Variants in C2CD2 observed in about 807,000 individuals in gnomAD.
C2CD2 encodes the protein C2 calcium dependent domain containing 2.
C2CD2 carries 43 observed loss-of-function variants against 74.3 expected under a neutral mutation model. The observed-to-expected ratio is 0.58, with a 90% CI of 0.45 to 0.75. C2CD2 has a LOEUF of 0.75. Ranked by LOEUF, C2CD2 falls within the 30% of genes least tolerant of loss-of-function variation. The pLI is 0.00. For synonymous variants in C2CD2, 422 were observed against 390.7 expected (o/e 1.08, Z -0.94); for missense variants, 801 against 916.3 (o/e 0.87, Z 1.63).
rs1455619139 is a variant in C2CD2 at position 41,924,476 on chromosome 21, T to C, written c.379-2391A>G. Reference sequence around the variant, plus strand: ...AGAAGACTGATACACATGAGTTAATTACATATTTCCATCATCTCCAGAGTT... The same window carrying C: ...AGAAGACTGATACACATGAGTTAATCACATATTTCCATCATCTCCAGAGTT... On this transcript the variant is annotated intron_variant, in intron 2 of 13. Coordinates refer to ENST00000380486, the MANE Select transcript of C2CD2 (RefSeq NM_015500.2). This position sits in a 1 kb window ranked among gnomAD's most constrained non-coding sequence, Gnocchi z 4.4. Among the ~76,000 whole-genome samples the C allele has an allele frequency of 2.0e-5, 3 of 152,232 alleles. No individual in the cohort carries two copies. Among genetic ancestry groups the C allele is most frequent in the Non-Finnish European group, 4.4e-5 (3 of 68,040 alleles).
At chr21:41,902,819 G>C (rs1166010148) in intron 11 of C2CD2, among the ~76,000 whole-genome samples, 1 of 152,010 alleles carries the variant, frequency 6.6e-6, no homozygotes, top group Non-Finnish European at 1.5e-5. Context: ...TTGAATTCCA[G>C]AGCCACGGAG....
In C2CD2 at chr21:41,893,968, G is replaced by A. The variant is rs940497372; in HGVS notation, c.1871-4624C>T. 2.0e-5 allele frequency among the ~76,000 whole-genome samples: 3 copies of A among 152,182 alleles called. No homozygotes were observed. The East Asian group carries it at 5.8e-4, about 29-fold the overall frequency. The stretch of plus-strand genomic sequence containing the variant: ...CCCACCTCGGCCTCCCAAAGTGCTG[G>A]GATTACAGGTGTGAGCCACGGCTCC... On this transcript the variant is annotated intron_variant, in intron 13 of 13. Coordinates refer to ENST00000380486, the MANE Select transcript of C2CD2 (RefSeq NM_015500.2).
At chr21:41,944,539 A>AAG (rs2065383356) in intron 1 of C2CD2, among the ~76,000 whole-genome samples, 1 of 88,402 alleles carries the variant, frequency 1.1e-5, no homozygotes, top group African/African-American at 8.2e-5. Flanking sequence ...AAAAAAAAAA[A>AAG]AAAGAAAAGA....
intron 13 of C2CD2, among the ~76,000 whole-genome samples, chr21:41,897,969 C>G: frequency 6.6e-6 from 1 of 152,216 alleles, no homozygotes; most frequent in Non-Finnish European, 1.5e-5. Context: ...GCTGTGACAA[C>G]TAAAGTGTCT....
chr21:41,944,279 G>A (rs373232598), intron 1 of C2CD2, among the ~76,000 whole-genome samples: 10 of 152,108 alleles, frequency 6.6e-5, no homozygotes, highest in African/African-American at 1.7e-4. Flanking sequence ...TTGGGAGGCC[G>A]AGGCGGACGG....
Position 41,907,087 on chromosome 21 carries a change from C to A in C2CD2, c.1223G>T (p.Arg408Leu), listed in dbSNP as rs769786921. ...CACAGTCCCACAGGGCATCACCGTG[C>A]GGTCCTTTTCTATTTTTGCAGCAGG... ...PVPAAKIEKD[R>L]TVMPCGTVVT... Residue 408 changes from arginine to leucine, a missense_variant, in exon 10 of 14, where the codon CGC becomes CTC. Coordinates refer to ENST00000380486, the MANE Select transcript of C2CD2 (RefSeq NM_015500.2). The A allele has an allele frequency of 3.1e-6, 5 of 1,613,452 alleles. No homozygotes were observed. Among genetic ancestry groups the A allele is most frequent in the South Asian group, 2.2e-5 (2 of 91,068 alleles).
intron 2 of C2CD2, among the ~76,000 whole-genome samples, chr21:41,940,116 C>A (rs554806922): frequency 6.6e-6 from 1 of 151,940 alleles, no homozygotes; most frequent in South Asian, 2.1e-4. Flanking sequence ...TTCAAAAATC[C>A]AAAAAAAGAT....
intron 13 of C2CD2, among the ~76,000 whole-genome samples, chr21:41,893,333 C>T (rs1045652506): frequency 2.0e-5 from 3 of 152,102 alleles, no homozygotes; most frequent in Non-Finnish European, 2.9e-5. Flanking sequence ...TGCCACTGCA[C>T]TCCAGCCTGG....
rs1020508836 is a variant in C2CD2 at position 41,886,119 on chromosome 21, G to A, written c.*3005C>T. ...CAAAGCAAACGGGGAAGGGTTGCAA[G>A]CTCATTAAAACCAACATGAGCACCC... On this transcript the variant is annotated 3_prime_UTR_variant, in exon 14 of 14. Coordinates refer to ENST00000380486, the MANE Select transcript of C2CD2 (RefSeq NM_015500.2). The A allele has an allele frequency of 2.0e-5, 3 of 152,160 alleles. No homozygotes were observed. Among genetic ancestry groups the A allele is most frequent in the African/African-American group, 4.8e-5 (2 of 41,422 alleles). 9.4% of individuals were successfully genotyped at this position (152,160 alleles called of 1,614,324 possible).
rs2065242015 is a variant in C2CD2 at position 41,929,116 on chromosome 21, A to AT, written c.379-7032_379-7031insA. Among the ~76,000 whole-genome samples the AT allele has an allele frequency of 6.6e-6, 1 of 151,716 alleles. No individual in the cohort carries two copies. ...TATTTAAAAAGTAAAAAAAAAAAAA[A>AT]GTAATAAAAATGCAAAAAGATCACA... On this transcript the variant is annotated intron_variant, in intron 2 of 13. Coordinates refer to ENST00000380486, the MANE Select transcript of C2CD2 (RefSeq NM_015500.2). The surrounding 1 kb of genome is among the most constrained non-coding windows in gnomAD (Gnocchi z 4.6).
At chr21:41,953,167 T>C in intron 1 of C2CD2, 1 of 403,468 alleles carries the variant, frequency 2.5e-6, no homozygotes, top group Non-Finnish European at 4.3e-6. Flanking sequence ...GTTTGGAGAA[T>C]AAAATCAATC....
intron 11 of C2CD2, among the ~76,000 whole-genome samples, chr21:41,902,517 G>A (rs193195108): frequency 4.6e-5 from 7 of 152,224 alleles, no homozygotes; most frequent in Non-Finnish European, 7.3e-5. Context: ...GGAGGCCCCA[G>A]AGCTGAGATG....
intron 8 of C2CD2, 57 bp from the exon 9 acceptor site, chr21:41,907,841 G>C (rs577893633): frequency 5.0e-6 from 8 of 1,602,098 alleles, no homozygotes; most frequent in Non-Finnish European, 6.8e-6. Flanking sequence ...GCTTCCGTGA[G>C]GACGGAAAGG....
At chr21:41,912,217 A>T in intron 7 of C2CD2, 115 bp downstream of exon 7, 1 of 610,988 alleles carries the variant, frequency 1.6e-6, no homozygotes, top group Non-Finnish European at 3.0e-6. Context: ...ATTTGTTGTT[A>T]ACTGTTTTGG....
In C2CD2 at chr21:41,918,193, A is replaced by G. The variant is rs2839421; in HGVS notation, c.632T>C (p.Val211Ala). ...CAAATGCTTCAAGATGTCCTTGAGA[A>G]CGTCAGACATCGCACTTGTCTCAGC... ...QVAETSAMSD[V>A]LKDILKHLAG... is the part of the protein sequence containing the mutation. The change falls in exon 5 of 14, where the codon GTT becomes GCT. Residue 211 changes from valine (V) to alanine (A), a missense_variant. Transcript: ENST00000380486. The G allele has an allele frequency of 0.046, 74,599 of 1,613,746 alleles. 2,717 individuals carry two copies. The highest frequency in any genetic ancestry group is 0.14 in the African/African-American group (10,480 of 75,000).
chr21:41,897,806 G>A (rs1378006783), intron 13 of C2CD2, among the ~76,000 whole-genome samples: 2 of 152,196 alleles, frequency 1.3e-5, no homozygotes, highest in South Asian at 2.1e-4. Flanking sequence ...TCCAGCCCAT[G>A]GCAGGCTGTG....
Position 41,899,235 on chromosome 21 carries a change from G to T in C2CD2, c.1688C>A (p.Ala563Asp). Reference protein sequence around the residue: ...RAAASAPPEEAESAQASLAPK... With the variant: ...RAAASAPPEEDESAQASLAPK... ...GGCAAGGGATGCCTGGGCTGACTCG[G>T]CTTCCTCTGGCGGGGCAGAGGCTGC... Residue 563 changes from alanine to aspartate, a missense_variant, in exon 13 of 14, where the codon GCC becomes GAC. Transcript: ENST00000380486. This position sits in a 1 kb window ranked among gnomAD's most constrained non-coding sequence, Gnocchi z 4.4. 2 of 1,612,228 alleles carry T rather than the reference G, an allele frequency of 1.2e-6. No homozygotes were observed. The highest frequency in any genetic ancestry group is 8.5e-7 in the Non-Finnish European group (1 of 1,179,608).
chr21:41,921,931 T>C, intron 3 of C2CD2, 41 bp downstream of exon 3: 3 of 1,229,782 alleles, frequency 2.4e-6, no homozygotes, highest in Non-Finnish European at 3.6e-6. Flanking sequence ...TTCTGAGAAC[T>C]GTGACGGGTC....
chr21:41,931,139 A>G (rs770425810), intron 2 of C2CD2, among the ~76,000 whole-genome samples: 2 of 150,544 alleles, frequency 1.3e-5, no homozygotes, highest in African/African-American at 4.8e-5. Flanking sequence ...GAATGCAGAG[A>G]GAGCCCCGGA....
Sources: gnomAD v4.1 joint callset for allele counts (sites outside exome capture counted in the v4.1 genomes callset) on GRCh38, gnomAD v4.1.1 for gene constraint, Gnocchi (gnomAD v3.1) non-coding constraint, MANE v1.5 for transcripts, NCBI Gene and HGNC (gene_info 2026-07-23, HGNC 2026-07-21) for gene names.